Variants in AMPH observed in about 807,000 individuals in gnomAD.
AMPH encodes amphiphysin.
Under a neutral mutation model 99.1 loss-of-function variants are expected in AMPH, and 49 were observed. That is an observed-to-expected ratio of 0.49 (90% CI 0.39 to 0.63). The LOEUF (loss-of-function observed/expected upper bound fraction) is 0.63. AMPH is among the 20% of genes least tolerant of loss of function. The pLI is 0.00. For synonymous variants in AMPH, 314 were observed against 317.3 expected, an observed-to-expected ratio of 0.99 and a Z score of 0.11; for missense variants, 759 against 863.4, an observed-to-expected ratio of 0.88 and a Z score of 1.52.
At chr7:38,393,877 T>C in intron 18 of AMPH, 128 bp downstream of exon 18, 1 of 801,184 alleles carries the variant, frequency 1.2e-6, no homozygotes, top group Non-Finnish European at 2.0e-6. Flanking sequence ...TAATGTTGTT[T>C]GGTGGAGTCA....
intron 17 of AMPH, among the ~76,000 whole-genome samples, chr7:38,417,382 T>C (rs986912841): frequency 3.3e-5 from 5 of 152,206 alleles, no homozygotes; most frequent in African/African-American, 1.2e-4. Context: ...CATGGAGTTG[T>C]GATATGGGAT....
intron 2 of AMPH, among the ~76,000 whole-genome samples, chr7:38,533,711 G>C (rs1790495323): frequency 6.6e-6 from 1 of 152,136 alleles, no homozygotes; most frequent in South Asian, 2.1e-4. Context: ...TAACTCCACT[G>C]ACAGCAGGAA....
chr7:38,484,951 T>C (rs77096929), intron 5 of AMPH, among the ~76,000 whole-genome samples: 64 of 151,800 alleles, frequency 4.2e-4, no homozygotes, highest in African/African-American at 1.4e-3. Context: ...AATTCTGTAA[T>C]AACCACAAAA....
intron 1 of AMPH, among the ~76,000 whole-genome samples, chr7:38,577,433 C>T (rs1792286628): frequency 6.6e-6 from 1 of 152,224 alleles, no homozygotes; most frequent in Non-Finnish European, 1.5e-5. Flanking sequence ...TGAACTAGCA[C>T]ATTACCATTG....
intron 10 of AMPH, 121 bp downstream of exon 10, chr7:38,462,854 C>T (rs933455603): frequency 4.5e-6 from 5 of 1,106,510 alleles, no homozygotes; most frequent in East Asian, 5.0e-5. Flanking sequence ...TAAAGCCTCA[C>T]ATCTCAGTCT....
chr7:38,587,939 TGTGTGTGTGTGCGC>T (rs1485268176), intron 1 of AMPH, among the ~76,000 whole-genome samples: 1 of 148,954 alleles, frequency 6.7e-6, no homozygotes, highest in Non-Finnish European at 1.5e-5. Context: ...TGTGTGTGTG[TGTGTGTGTGTGCGC>T]GTGTGTGTGT....
Position 38,567,595 on chromosome 7 carries a change from C to T in AMPH, c.70-32584G>A, listed in dbSNP as rs372263698. ...ATAGAACTATTATCACAATGCATTG[C>T]TATCCATGAATCCTTCAAATCATAT... On this transcript the variant is annotated intron_variant, in intron 1 of 20. Coordinates refer to ENST00000356264, the MANE Select transcript of AMPH (RefSeq NM_001635.4). Among the ~76,000 whole-genome samples the T allele has an allele frequency of 2.3e-3, 350 of 152,308 alleles. 2 individuals are homozygous for T. The highest frequency in any genetic ancestry group is 7.8e-3 in the African/African-American group (323 of 41,578).
At chr7:38,590,156 C>A (rs906576260) in intron 1 of AMPH, among the ~76,000 whole-genome samples, 4 of 151,994 alleles carry the variant, frequency 2.6e-5, no homozygotes, top group Non-Finnish European at 5.9e-5. Context: ...TTGAGCCATG[C>A]GGTGAGTGTT....
At chr7:38,485,389 T>G (rs2129017462) in intron 5 of AMPH, among the ~76,000 whole-genome samples, 1 of 151,980 alleles carries the variant, frequency 6.6e-6, no homozygotes, top group Admixed American at 6.6e-5. Flanking sequence ...TGGAAGGACA[T>G]GTAATGATAA....
intron 1 of AMPH, among the ~76,000 whole-genome samples, chr7:38,551,956 C>G (rs1039248788): frequency 6.6e-6 from 1 of 152,112 alleles, no homozygotes; most frequent in African/African-American, 2.4e-5. Context: ...CATACACTGT[C>G]CTCAGTGTTG....
chr7:38,570,417 T>C (rs565434565), intron 1 of AMPH, among the ~76,000 whole-genome samples: 88 of 152,254 alleles, frequency 5.8e-4, no homozygotes, highest in African/African-American at 2.0e-3. Flanking sequence ...AATAATGTTT[T>C]GTGTCAAAGA....
At chr7:38,436,243 T>G in intron 12 of AMPH, 29 bp downstream of exon 12, 1 of 1,525,852 alleles carries the variant, frequency 6.6e-7, no homozygotes, top group Non-Finnish European at 9.1e-7. Flanking sequence ...TTATGAAATA[T>G]CTCCAAACAT....
intron 13 of AMPH, chr7:38,431,942 T>C: frequency 1.8e-6 from 1 of 549,594 alleles, no homozygotes; most frequent in Non-Finnish European, 3.3e-6. Context: ...GGCCAAACTC[T>C]TGACCATTAT....
intron 2 of AMPH, among the ~76,000 whole-genome samples, chr7:38,525,277 T>TATAGAGAG (rs1481528083): frequency 2.1e-3 from 182 of 86,644 alleles, no homozygotes; most frequent in Middle Eastern, 5.7e-3. Context: ...TATATATATA[T>TATAGAGAG]AGAGAGAGAG....
chr7:38,522,456 G>A (rs1188192672), intron 2 of AMPH, among the ~76,000 whole-genome samples: 7 of 152,188 alleles, frequency 4.6e-5, no homozygotes, highest in African/African-American at 1.7e-4. Context: ...CAGGCAGAGT[G>A]AGTGAGTATA....
intron 1 of AMPH, among the ~76,000 whole-genome samples, chr7:38,536,339 A>C (rs535524018): frequency 2.6e-5 from 4 of 152,310 alleles, no homozygotes; most frequent in African/African-American, 9.6e-5. Flanking sequence ...TTTTAACTAG[A>C]CATTTTCATA....
intron 12 of AMPH, 129 bp from the exon 13 acceptor site, chr7:38,432,341 T>A (rs1271645655): frequency 2.7e-6 from 2 of 733,474 alleles, no homozygotes; most frequent in Non-Finnish European, 2.3e-6. Context: ...TCAATAAAAC[T>A]TTTTTTGGTG....
chr7:38,594,633 G>A (rs1032293828), intron 1 of AMPH, among the ~76,000 whole-genome samples: 11 of 152,070 alleles, frequency 7.2e-5, no homozygotes, highest in African/African-American at 2.4e-4. Flanking sequence ...GCTTTCAAGA[G>A]GGAAAGCCAA....
At chr7:38,495,869 T>C (rs1788913767) in intron 3 of AMPH, among the ~76,000 whole-genome samples, 1 of 152,264 alleles carries the variant, frequency 6.6e-6, no homozygotes, top group Non-Finnish European at 1.5e-5. Flanking sequence ...CCCAGTCCTT[T>C]TAGTCTCTCC....
Sources: allele counts gnomAD v4.1 joint callset (sites outside exome capture counted in the v4.1 genomes callset), GRCh38; gene constraint gnomAD v4.1.1; transcripts MANE v1.5; gene names NCBI Gene and HGNC (gene_info 2026-07-23, HGNC 2026-07-21).